TMEM179: variants seen among roughly 807,000 people sequenced by gnomAD.
TMEM179 encodes the protein transmembrane protein 179.
A neutral mutation model predicts 22.2 loss-of-function variants in TMEM179; 17 were observed. That is an observed-to-expected ratio of 0.77 (90% confidence interval 0.52 to 1.15). The LOEUF is 1.15. TMEM179 is among the 50% of genes most tolerant of loss of function. The pLI is 0.00. For synonymous variants in TMEM179, 127 were observed against 140.5 expected (o/e 0.90, Z 0.68); for missense variants, 265 against 313.6 (o/e 0.84, Z 1.17).
intron 1 of TMEM179, among the ~76,000 whole-genome samples, chr14:104,599,225 C>T (rs1485408560): frequency 2.0e-5 from 3 of 151,610 alleles, no homozygotes; most frequent in African/African-American, 7.3e-5. Flanking sequence ...CTTCAGAGTG[C>T]GTCTCCTTCT....
rs1359781038 is a variant in TMEM179, at chr14:104,604,496, C to G, written c.246G>C (p.Leu82=). ...RFSLLASLLS[L]LLAAAHAWRT... is the part of the protein sequence containing the mutation. ...GCCAGGCGTGCGCGGCGGCCAGCAGCAGAGACAGGAGGCTGGCGAGCAGGC... is the reference window on the plus strand; with the variant it reads ...GCCAGGCGTGCGCGGCGGCCAGCAGGAGAGACAGGAGGCTGGCGAGCAGGC... The change falls in exon 1 of 4, where the codon CTG becomes CTC. Residue 82 remains leucine (L), a synonymous_variant. Transcript: ENST00000556573. This position sits in a 1 kb window ranked among gnomAD's most constrained non-coding sequence, Gnocchi z 4.6. The G allele has an allele frequency of 1.3e-6, 2 of 1,578,006 alleles. No homozygotes were observed. The highest frequency in any genetic ancestry group is 2.8e-5 in the African/African-American group (2 of 72,614).
At position 104,592,751 on chromosome 14, in the gene TMEM179, C is replaced by T. The variant is rs779926622; in HGVS notation, c.*728G>A. ...ACCCACACACAGACCCCTGCCATGG[C>T]TCCTGGCCCAGTCCTCTATGTGGTA... On this transcript the variant is annotated 3_prime_UTR_variant, in exon 4 of 4. Transcript: ENST00000556573. 6.6e-6 allele frequency among the ~76,000 whole-genome samples: 1 copy of T among 152,216 alleles called. No individual in the cohort carries two copies. The highest frequency in any genetic ancestry group is 1.5e-5 in the Non-Finnish European group (1 of 68,036).
intron 3 of TMEM179, 55 bp from the exon 4 acceptor site, chr14:104,593,713 A>T (rs1004334574): frequency 6.3e-6 from 9 of 1,425,206 alleles, no homozygotes; most frequent in African/African-American, 1.4e-5. Flanking sequence ...CTGTCAGTGC[A>T]ACCCCCTCCC....
intron 1 of TMEM179, among the ~76,000 whole-genome samples, chr14:104,601,786 C>G (rs1018168806): frequency 6.6e-6 from 1 of 152,132 alleles, no homozygotes; most frequent in Non-Finnish European, 1.5e-5. Flanking sequence ...CGCCACAGGC[C>G]CCTTCCTGAC....
intron 1 of TMEM179, among the ~76,000 whole-genome samples, chr14:104,601,281 G>A (rs1040768294): frequency 6.6e-6 from 1 of 152,196 alleles, no homozygotes; most frequent in Non-Finnish European, 1.5e-5. Flanking sequence ...ACAGGTATCG[G>A]GGCCAGGTGA....
intron 3 of TMEM179, chr14:104,593,932 C>T (rs75833673): frequency 0.086 from 75,540 of 878,418 alleles, 3,670 homozygotes; most frequent in Middle Eastern, 0.15. Context: ...CCAACCCTCA[C>T]TCCAGGCCGG....
chr14:104,591,543 C>G lies in TMEM179; in HGVS notation c.*1936G>C. On this transcript the variant is annotated 3_prime_UTR_variant, in exon 4 of 4. Transcript: ENST00000556573. ...AGGACCTGGCTGCCAGCTGGAAACT[C>G]AGCTGGTCCCCAAGGCCAGAGCCCC... is the stretch of plus-strand genomic sequence containing the variant. 1 of 392,112 alleles carries G rather than the reference C, an allele frequency of 2.6e-6. No individual in the cohort carries two copies. The highest frequency in any genetic ancestry group is 1.9e-5 in the South Asian group (1 of 52,474). 24.3% of individuals were successfully genotyped at this position (392,112 alleles called of 1,614,324 possible). A position where few individuals can be genotyped will look rare whatever the true frequency, so the allele number is the denominator to read the frequency against.
chr14:104,603,661 T>C (rs548776740), intron 1 of TMEM179, among the ~76,000 whole-genome samples: 4 of 143,512 alleles, frequency 2.8e-5, no homozygotes, highest in African/African-American at 1.1e-4. Context: ...AGAGGGTGGG[T>C]TCACAGAGGG....
At position 104,596,986 on chromosome 14, in the gene TMEM179, G is replaced by T; in HGVS notation, c.443+4C>A. The T allele has an allele frequency of 6.3e-7, 1 of 1,599,844 alleles. No homozygotes were observed. On this transcript the variant is annotated splice_donor_region_variant and intron_variant, in intron 2 of 3. Transcript: ENST00000556573. Reference sequence around the variant, plus strand: ...GGAGGCCGAGGCGGGTGGGGCGGGCGCACCTGTGGGGTACGGTGCCCTTCT... The same window carrying T: ...GGAGGCCGAGGCGGGTGGGGCGGGCTCACCTGTGGGGTACGGTGCCCTTCT...
In TMEM179 at chr14:104,597,176, G is replaced by A. The variant is rs991333266; in HGVS notation, c.306-49C>T. 2 of 1,535,342 alleles carry A rather than the reference G, an allele frequency of 1.3e-6. No individual in the cohort carries two copies. The highest frequency in any genetic ancestry group is 4.9e-5 in the East Asian group (2 of 41,026). On this transcript the variant is annotated intron_variant, in intron 1 of 3. Transcript: ENST00000556573. This position sits in a 1 kb window ranked among gnomAD's most constrained non-coding sequence, Gnocchi z 4.8. ...AGGCTCACTGGACACCACCTCCCAG[G>A]CGACCCCCGCCCCCAGGCTGCAGCC... is the stretch of plus-strand genomic sequence containing the variant.
intron 3 of TMEM179, chr14:104,594,749 G>A: frequency 8.8e-7 from 1 of 1,132,888 alleles, no homozygotes. Context: ...CCCTGGCTAG[G>A]GGACTCCTCT....
chr14:104,594,718 T>C lies in TMEM179; in HGVS notation c.522+447A>G, dbSNP rs919833074. The C allele has an allele frequency of 2.2e-5, 25 of 1,159,044 alleles. 1 individual carries two copies. The highest frequency in any genetic ancestry group is 1.6e-4 in the African/African-American group (10 of 62,982). 71.8% of individuals were successfully genotyped at this position (1,159,044 alleles called of 1,614,324 possible). ...CAAGTGGGATCCCCTGCCTCCTTCC[T>C]TGGACTCTGTATCAGCTTCCCCCTG... On this transcript the variant is annotated intron_variant, in intron 3 of 3. Coordinates refer to ENST00000556573, the MANE Select transcript of TMEM179 (RefSeq NM_001286389.2).
intron 1 of TMEM179, among the ~76,000 whole-genome samples, chr14:104,601,181 A>G (rs1887226076): frequency 6.6e-6 from 1 of 152,220 alleles, no homozygotes; most frequent in East Asian, 1.9e-4. Context: ...CTGTCGCTGG[A>G]CCCTGCAGAC....
intron 1 of TMEM179, among the ~76,000 whole-genome samples, chr14:104,599,791 C>T (rs140113616): frequency 3.3e-5 from 5 of 152,172 alleles, no homozygotes; most frequent in East Asian, 1.9e-4. Flanking sequence ...GAGAAGGAGA[C>T]GCACTCTGAA....
chr14:104,597,538 C>T lies in TMEM179; in HGVS notation c.306-411G>A, dbSNP rs960147195. Among the ~76,000 whole-genome samples, 19 of 152,242 alleles carry T rather than the reference C, an allele frequency of 1.2e-4. No homozygotes were observed. Among genetic ancestry groups the T allele is most frequent in the Non-Finnish European group, 2.5e-4 (17 of 68,020 alleles). On this transcript the variant is annotated intron_variant, in intron 1 of 3. Transcript: ENST00000556573. This position sits in a 1 kb window ranked among gnomAD's most constrained non-coding sequence, Gnocchi z 4.8. Reference sequence around the variant, plus strand: ...CCCCCCAAATCCATATGTTCCAGTCCACTGAGGGGTTAGAAAGTGGGGCCT... The same window carrying T: ...CCCCCCAAATCCATATGTTCCAGTCTACTGAGGGGTTAGAAAGTGGGGCCT...
rs1216026258 is a variant in TMEM179, at chr14:104,591,156, G to A, written c.*2323C>T. On this transcript the variant is annotated 3_prime_UTR_variant, in exon 4 of 4. Coordinates refer to ENST00000556573, the MANE Select transcript of TMEM179 (RefSeq NM_001286389.2). ...TGGGCTCCGGAGACAGCCCAGTCCA[G>A]GGTGGGTCTATGTCTGCATGCAGCC... 1 of 349,010 alleles carries A rather than the reference G, an allele frequency of 2.9e-6. No homozygotes were observed. Among genetic ancestry groups the A allele is most frequent in the East Asian group, 8.4e-5 (1 of 11,916 alleles). 21.6% of individuals were successfully genotyped at this position (349,010 alleles called of 1,614,324 possible). A position where few individuals can be genotyped will look rare whatever the true frequency, so the allele number is the denominator to read the frequency against.
chr14:104,597,171 C>T lies in TMEM179; in HGVS notation c.306-44G>A. ...GGGGCAGGCTCACTGGACACCACCT[C>T]CCAGGCGACCCCCGCCCCCAGGCTG... On this transcript the variant is annotated intron_variant, in intron 1 of 3. Coordinates refer to ENST00000556573, the MANE Select transcript of TMEM179 (RefSeq NM_001286389.2). The surrounding 1 kb of genome is among the most constrained non-coding windows in gnomAD (Gnocchi z 4.8). 6.5e-7 allele frequency: 1 copy of T among 1,538,102 alleles called. No individual in the cohort carries two copies. Among genetic ancestry groups the T allele is most frequent in the Non-Finnish European group, 8.7e-7 (1 of 1,144,354 alleles).
In TMEM179 at chr14:104,597,258, G is replaced by T; in HGVS notation, c.306-131C>A. 1 of 1,270,658 alleles carries T rather than the reference G, an allele frequency of 7.9e-7. No homozygotes were observed. The highest frequency in any genetic ancestry group is 1.1e-6 in the Non-Finnish European group (1 of 937,734). 78.7% of individuals were successfully genotyped at this position (1,270,658 alleles called of 1,614,324 possible). A position where few individuals can be genotyped will look rare whatever the true frequency, so the allele number is the denominator to read the frequency against. On this transcript the variant is annotated intron_variant, in intron 1 of 3. Coordinates refer to ENST00000556573, the MANE Select transcript of TMEM179 (RefSeq NM_001286389.2). This position sits in a 1 kb window ranked among gnomAD's most constrained non-coding sequence, Gnocchi z 4.8. ...ATCTCCTGGGCAACCCCCACCAGCA[G>T]CACCCCCCGGACCCTCAGGATTCCT...
At chr14:104,599,715 C>A (rs1566745242) in intron 1 of TMEM179, among the ~76,000 whole-genome samples, 1 of 152,204 alleles carries the variant, frequency 6.6e-6, no homozygotes, top group Non-Finnish European at 1.5e-5. Flanking sequence ...GGGTCAGCTC[C>A]ACAGCCAGAG....
Sources: allele counts gnomAD v4.1 joint callset (sites outside exome capture counted in the v4.1 genomes callset), GRCh38; gene constraint gnomAD v4.1.1; non-coding constraint Gnocchi (gnomAD v3.1); transcripts MANE v1.5; gene names NCBI Gene and HGNC (gene_info 2026-07-23, HGNC 2026-07-21).